NRG1: variants seen among roughly 807,000 people sequenced by gnomAD.
NRG1 encodes neuregulin 1.
NRG1 carries 18 observed loss-of-function variants against 63.8 expected under a neutral mutation model. The observed-to-expected ratio is 0.28, with a 90% CI of 0.19 to 0.42. NRG1 has a LOEUF of 0.42. Ranked by LOEUF, NRG1 falls within the 10% of genes least tolerant of loss-of-function variation. The probability of loss-of-function intolerance (pLI) is 1.00; values close to 1 mark genes in which losing one functional copy is unlikely to be tolerated. For synonymous variants in NRG1, 302 were observed against 301.3 expected, an observed-to-expected ratio of 1.00 and a Z score of -0.02; for missense variants, 762 against 814.7, an observed-to-expected ratio of 0.94 and a Z score of 0.79.
At position 32,059,051 on chromosome 8, in the gene NRG1, G is replaced by C. The variant is rs527528034; in HGVS notation, c.37+419620G>C. On this transcript the variant is annotated intron_variant, in intron 1 of 10. Coordinates refer to the NRG1 transcript ENST00000519301. ...AAAATCATTTAATGTTAGGTAAAAA[G>C]TATGTTAGGATTACATTTTTTTAAG... 2.9e-4 allele frequency among the ~76,000 whole-genome samples: 44 copies of C among 152,126 alleles called. 1 individual carries two copies. The South Asian group carries it at 8.5e-3, about 29-fold the overall frequency.
At position 32,431,344 on chromosome 8, in the gene NRG1, C is replaced by T. The variant is rs1818123962; in HGVS notation, c.38-164484C>T. On this transcript the variant is annotated intron_variant, in intron 1 of 10. Coordinates refer to the NRG1 transcript ENST00000519301. ...ATCAGAGCCCTGGCATAGGTCCTCA[C>T]TTTTGCTAGGATTCTGTCCTACTCC... is the stretch of plus-strand genomic sequence containing the variant. 1.3e-5 allele frequency among the ~76,000 whole-genome samples: 2 copies of T among 152,144 alleles called. 1 individual carries two copies. Among genetic ancestry groups the T allele is most frequent in the Admixed American group, 1.3e-4 (2 of 15,264 alleles).
chr8:32,225,187 C>A (rs1188317716), intron 1 of NRG1, among the ~76,000 whole-genome samples: 1 of 152,146 alleles, frequency 6.6e-6, no homozygotes, highest in Non-Finnish European at 1.5e-5. Flanking sequence ...CCTGCTACCT[C>A]CCTGGAGCTA....
chr8:32,588,114 G>C (rs1024579869), intron 1 of NRG1, among the ~76,000 whole-genome samples: 5 of 151,892 alleles, frequency 3.3e-5, no homozygotes, highest in African/African-American at 1.2e-4. Flanking sequence ...TAGAGATGGC[G>C]TTTCACCATG....
intron 1 of NRG1, among the ~76,000 whole-genome samples, chr8:32,082,424 A>G (rs1412141126): frequency 2.6e-5 from 4 of 151,890 alleles, no homozygotes; most frequent in Non-Finnish European, 1.5e-5. Context: ...TGTGTCCATG[A>G]GTTTTCATCC....
At chr8:32,042,839 A>G (rs987982632) in intron 1 of NRG1, among the ~76,000 whole-genome samples, 1 of 152,206 alleles carries the variant, frequency 6.6e-6, no homozygotes, top group Non-Finnish European at 1.5e-5. Context: ...AAATTATTTC[A>G]TATGAACAAC....
At chr8:32,153,353 C>T (rs1290424700) in intron 1 of NRG1, among the ~76,000 whole-genome samples, 1 of 152,030 alleles carries the variant, frequency 6.6e-6, no homozygotes, top group Non-Finnish European at 1.5e-5. Flanking sequence ...CTTTTTAATA[C>T]AGAGAATGAA....
At chr8:31,969,242 C>G (rs1806877137) in intron 1 of NRG1, among the ~76,000 whole-genome samples, 1 of 152,058 alleles carries the variant, frequency 6.6e-6, no homozygotes, top group South Asian at 2.1e-4. Flanking sequence ...TTCTCAAAAC[C>G]ATAATATTTT....
At chr8:31,969,045 A>T (rs1406267897) in intron 1 of NRG1, among the ~76,000 whole-genome samples, 1 of 152,178 alleles carries the variant, frequency 6.6e-6, no homozygotes, top group Non-Finnish European at 1.5e-5. Context: ...AATCACTGGC[A>T]AACCACCAGT....
At chr8:32,043,867 A>G (rs565822643) in intron 1 of NRG1, among the ~76,000 whole-genome samples, 1 of 152,036 alleles carries the variant, frequency 6.6e-6, no homozygotes, top group African/African-American at 2.4e-5. Flanking sequence ...ACAAAATAAG[A>G]CAGAAAAGCT....
intron 1 of NRG1, among the ~76,000 whole-genome samples, chr8:32,035,261 T>C (rs149403423): frequency 3.3e-3 from 497 of 152,236 alleles, no homozygotes; most frequent in Non-Finnish European, 6.3e-3. Flanking sequence ...TGGTTTTGAG[T>C]GAGTTTCTTG....
chr8:31,871,674 T>C (rs1829499865), intron 1 of NRG1, among the ~76,000 whole-genome samples: 1 of 151,946 alleles, frequency 6.6e-6, no homozygotes, highest in Non-Finnish European at 1.5e-5. Context: ...GGAAGCAAAC[T>C]CCACAAAACC....
At chr8:32,709,389 A>G (rs1563999552) in intron 5 of NRG1, among the ~76,000 whole-genome samples, 1 of 151,808 alleles carries the variant, frequency 6.6e-6, no homozygotes, top group Non-Finnish European at 1.5e-5. Context: ...TTACCTTGCT[A>G]TATTTCAAAT....
intron 1 of NRG1, among the ~76,000 whole-genome samples, chr8:31,881,918 G>A (rs1830377194): frequency 6.6e-6 from 1 of 152,162 alleles, no homozygotes; most frequent in Admixed American, 6.6e-5. Context: ...GCATAAAAGT[G>A]CAAGGTGGTG....
intron 1 of NRG1, among the ~76,000 whole-genome samples, chr8:32,427,679 A>G (rs371747875): frequency 6.6e-6 from 1 of 152,194 alleles, no homozygotes; most frequent in African/African-American, 2.4e-5. Context: ...TCCTTCAGTA[A>G]TGAAGAAAAA....
chr8:32,599,110 G>A (rs377457286), intron 2 of NRG1, among the ~76,000 whole-genome samples: 43 of 152,080 alleles, frequency 2.8e-4, no homozygotes, highest in Non-Finnish European at 4.7e-4. Flanking sequence ...TAGGGCTCTG[G>A]CATGCTTAGG....
intron 1 of NRG1, among the ~76,000 whole-genome samples, chr8:31,698,549 A>G (rs1810318261): frequency 6.6e-6 from 1 of 152,192 alleles, no homozygotes; most frequent in Admixed American, 6.5e-5. Flanking sequence ...ATCTTAACAA[A>G]TATTTATTGA....
chr8:32,022,679 T>G (rs1816637721), intron 1 of NRG1, among the ~76,000 whole-genome samples: 1 of 152,208 alleles, frequency 6.6e-6, no homozygotes, highest in Admixed American at 6.5e-5. Flanking sequence ...TACAATCAAC[T>G]GGACCTGTTT....
chr8:32,015,683 A>G (rs1815410002), intron 1 of NRG1, among the ~76,000 whole-genome samples: 1 of 152,162 alleles, frequency 6.6e-6, no homozygotes, highest in Non-Finnish European at 1.5e-5. Flanking sequence ...CTACATAAGC[A>G]TCACAAAAAA....
At chr8:31,730,895 C>G (rs1017185961) in intron 1 of NRG1, among the ~76,000 whole-genome samples, 4 of 151,988 alleles carry the variant, frequency 2.6e-5, no homozygotes, top group African/African-American at 9.7e-5. Context: ...AGCTTAGTAT[C>G]TATGATTTTT....
Sources: gnomAD v4.1 joint callset for allele counts (sites outside exome capture counted in the v4.1 genomes callset) on GRCh38, gnomAD v4.1.1 for gene constraint, MANE v1.5 for transcripts, NCBI Gene and HGNC (gene_info 2026-07-23, HGNC 2026-07-21) for gene names.